The following CTNNA3 variants were observed in gnomAD, a reference collection of about 807,000 sequenced individuals.
CTNNA3 encodes the protein catenin alpha 3, also known as catenin alpha-3.
A neutral mutation model predicts 95.7 loss-of-function variants in CTNNA3; 76 were observed. That is an observed-to-expected ratio of 0.79 (90% CI 0.66 to 0.96). The LOEUF (loss-of-function observed/expected upper bound fraction) is 0.96. CTNNA3 is among the 40% of genes least tolerant of loss of function. CTNNA3 has a pLI of 0.00. For missense variants in CTNNA3, 1,191 were observed against 1,089.8 expected, an observed-to-expected ratio of 1.09 and a Z score of -1.31; for synonymous variants, 431 against 374.4, an observed-to-expected ratio of 1.15 and a Z score of -1.74.
chr10:67,560,533 A>C (rs1245115340), intron 3 of CTNNA3, among the ~76,000 whole-genome samples: 1 of 152,232 alleles, frequency 6.6e-6, no homozygotes, highest in East Asian at 1.9e-4. Flanking sequence ...CTGCAAAAAC[A>C]TGCCAAATTC....
chr10:66,129,963 A>G (rs543310610), intron 13 of CTNNA3, among the ~76,000 whole-genome samples: 53 of 151,698 alleles, frequency 3.5e-4, no homozygotes, highest in Non-Finnish European at 6.9e-4. Flanking sequence ...GTACCCCACC[A>G]CCCTTCTCCC....
intron 9 of CTNNA3, among the ~76,000 whole-genome samples, chr10:66,681,058 G>T (rs1307488022): frequency 6.6e-6 from 1 of 152,138 alleles, no homozygotes; most frequent in Non-Finnish European, 1.5e-5. Flanking sequence ...AAACTTTGTG[G>T]AATTTCACTG....
rs201375042 is a variant in CTNNA3, at chr10:66,335,298, G to T, written c.1732+43854C>A. Among the ~76,000 whole-genome samples the T allele has an allele frequency of 1.6e-4, 24 of 152,214 alleles. No individual in the cohort carries two copies. The East Asian group carries it at 3.9e-3, about 25-fold the overall frequency. On this transcript the variant is annotated intron_variant, in intron 12 of 17. Coordinates refer to ENST00000433211, the MANE Select transcript of CTNNA3 (RefSeq NM_013266.4). ...GGAGCTGCATTCCTTTGGAGGAGGA[G>T]AGGCACTCTGATTTTTAGTGTTTCC...
At chr10:66,658,846 A>G (rs1168005173) in intron 9 of CTNNA3, among the ~76,000 whole-genome samples, 2 of 151,946 alleles carry the variant, frequency 1.3e-5, no homozygotes, top group Non-Finnish European at 2.9e-5. Context: ...GGCACCCACG[A>G]CCACACCTGG....
intron 3 of CTNNA3, among the ~76,000 whole-genome samples, chr10:67,584,429 G>T (rs1471477341): frequency 6.6e-6 from 1 of 152,178 alleles, no homozygotes; most frequent in Non-Finnish European, 1.5e-5. Context: ...TCTTCTGGAA[G>T]CTTCATCTCA....
chr10:66,197,232 G>A (rs1377897610), intron 13 of CTNNA3, among the ~76,000 whole-genome samples: 1 of 152,104 alleles, frequency 6.6e-6, no homozygotes, highest in Non-Finnish European at 1.5e-5. Context: ...AAAACAGAGT[G>A]TAGACTAAAA....
At chr10:67,001,184 C>T (rs145459557) in intron 7 of CTNNA3, among the ~76,000 whole-genome samples, 5,493 of 150,908 alleles carry the variant, frequency 0.036, 150 homozygotes, top group East Asian at 0.13. Context: ...GCCTGTAATC[C>T]CAGCTACTCG....
intron 12 of CTNNA3, among the ~76,000 whole-genome samples, chr10:66,374,409 G>T (rs932524959): frequency 2.0e-5 from 3 of 152,056 alleles, no homozygotes; most frequent in African/African-American, 7.2e-5. Flanking sequence ...GAGAAGAAAA[G>T]GCAATCATTC....
chr10:67,603,558 T>C (rs1843153468), intron 3 of CTNNA3, among the ~76,000 whole-genome samples: 1 of 151,892 alleles, frequency 6.6e-6, no homozygotes, highest in African/African-American at 2.4e-5. Flanking sequence ...CCTAGGCTAA[T>C]GTGTGTATTT....
intron 9 of CTNNA3, among the ~76,000 whole-genome samples, chr10:66,697,255 T>C (rs985373752): frequency 2.7e-5 from 4 of 149,064 alleles, no homozygotes; most frequent in African/African-American, 9.8e-5. Context: ...CAGATATATC[T>C]ATATATATAT....
intron 13 of CTNNA3, among the ~76,000 whole-genome samples, chr10:66,204,670 C>T (rs1457780326): frequency 6.6e-6 from 1 of 152,156 alleles, no homozygotes; most frequent in Non-Finnish European, 1.5e-5. Flanking sequence ...CTTGTACTTA[C>T]ATCCATTCAT....
At chr10:66,967,227 A>T (rs887186684) in intron 7 of CTNNA3, among the ~76,000 whole-genome samples, 3 of 151,924 alleles carry the variant, frequency 2.0e-5, no homozygotes, top group African/African-American at 7.3e-5. Flanking sequence ...ATAAACCATG[A>T]CCTTCTATTT....
chr10:66,458,429 GTAA>G (rs1384174235), intron 11 of CTNNA3, among the ~76,000 whole-genome samples: 1 of 152,020 alleles, frequency 6.6e-6, no homozygotes, highest in Non-Finnish European at 1.5e-5. Context: ...TAAAATATAC[GTAA>G]CACAAAATTT....
chr10:66,656,872 C>G (rs1471279591), intron 9 of CTNNA3, among the ~76,000 whole-genome samples: 2 of 151,818 alleles, frequency 1.3e-5, no homozygotes, highest in Non-Finnish European at 2.9e-5. Context: ...AGCCCCTTCC[C>G]AAGAGTAAGA....
intron 5 of CTNNA3, among the ~76,000 whole-genome samples, chr10:67,379,713 G>A (rs1047408569): frequency 7.9e-5 from 12 of 152,144 alleles, no homozygotes; most frequent in Non-Finnish European, 1.5e-4. Context: ...CCTAAACCAT[G>A]AGTAGAGCAT....
chr10:67,118,122 C>T (rs1859278256), intron 7 of CTNNA3, among the ~76,000 whole-genome samples: 1 of 151,934 alleles, frequency 6.6e-6, no homozygotes, highest in Admixed American at 6.6e-5. Flanking sequence ...GTCCAGTAAA[C>T]AGCACTTTAG....
chr10:66,297,347 T>C (rs2091795881), intron 12 of CTNNA3, among the ~76,000 whole-genome samples: 1 of 151,988 alleles, frequency 6.6e-6, no homozygotes, highest in Non-Finnish European at 1.5e-5. Context: ...ATAAATAAAA[T>C]AACAATTTAA....
intron 2 of CTNNA3, among the ~76,000 whole-genome samples, chr10:67,645,190 C>CGT (rs1213186937): frequency 2.1e-5 from 3 of 145,390 alleles, no homozygotes; most frequent in African/African-American, 8.5e-5. Context: ...TGTGCACGTG[C>CGT]GCGCACACAC....
intron 17 of CTNNA3, among the ~76,000 whole-genome samples, chr10:65,965,471 C>T (rs1467723156): frequency 7.8e-6 from 1 of 127,482 alleles, no homozygotes; most frequent in African/African-American, 3.0e-5. Context: ...GTGGCACGAT[C>T]TCGGCTAACT....
Sources: allele counts gnomAD v4.1 joint callset (sites outside exome capture counted in the v4.1 genomes callset), GRCh38; gene constraint gnomAD v4.1.1; transcripts MANE v1.5; gene names NCBI Gene and HGNC (gene_info 2026-07-23, HGNC 2026-07-21).